The following NLGN1 variants were observed in gnomAD, a reference collection of about 807,000 sequenced individuals.
NLGN1 encodes the protein neuroligin-1.
A neutral mutation model predicts 65.5 loss-of-function variants in NLGN1; 12 were observed. The observed-to-expected ratio is 0.18, with a 90% confidence interval of 0.12 to 0.30. NLGN1 has a LOEUF of 0.30. NLGN1 is among the 10% of genes least tolerant of loss of function. The pLI, the probability that NLGN1 is intolerant of heterozygous loss-of-function variation, is 1.00. For missense variants in NLGN1, 750 were observed against 1,007.1 expected (o/e 0.74, Z 3.46); for synonymous variants, 350 against 359.5 (o/e 0.97, Z 0.30).
chr3:173,600,389 A>G (rs1266391205), intron 2 of NLGN1, among the ~76,000 whole-genome samples: 4 of 152,026 alleles, frequency 2.6e-5, no homozygotes, highest in Admixed American at 6.6e-5. Context: ...ATGCTGTCCA[A>G]TCCAGACCAA....
At chr3:173,422,330 G>A (rs895709768) in intron 1 of NLGN1, among the ~76,000 whole-genome samples, 1 of 152,140 alleles carries the variant, frequency 6.6e-6, no homozygotes, top group African/African-American at 2.4e-5. Flanking sequence ...TTATCTCAAG[G>A]AGGTAGAGAG....
At chr3:173,468,978 G>A (rs1364465425) in intron 2 of NLGN1, among the ~76,000 whole-genome samples, 2 of 152,064 alleles carry the variant, frequency 1.3e-5, no homozygotes, top group Admixed American at 1.3e-4. Context: ...AGATTCCACT[G>A]CTACTGGATA....
chr3:173,842,376 G>A (rs1420270923), intron 4 of NLGN1, among the ~76,000 whole-genome samples: 1 of 151,974 alleles, frequency 6.6e-6, no homozygotes, highest in African/African-American at 2.4e-5. Context: ...CTTCCCAACA[G>A]TCCCCCAATG....
At chr3:173,494,166 G>GAGTGGT (rs1271202001) in intron 2 of NLGN1, among the ~76,000 whole-genome samples, 24 of 150,362 alleles carry the variant, frequency 1.6e-4, no homozygotes, top group Admixed American at 1.3e-3. Context: ...CATGTGCGGG[G>GAGTGGT]AGTGGTGGTG....
intron 4 of NLGN1, among the ~76,000 whole-genome samples, chr3:174,184,411 C>T (rs1052945928): frequency 6.6e-6 from 1 of 152,160 alleles, no homozygotes; most frequent in South Asian, 2.1e-4. Flanking sequence ...AGTATTACAT[C>T]AAATCATTCT....
At chr3:173,512,428 G>A (rs1209133063) in intron 2 of NLGN1, among the ~76,000 whole-genome samples, 1 of 152,100 alleles carries the variant, frequency 6.6e-6, no homozygotes, top group Non-Finnish European at 1.5e-5. Context: ...CTGAAGTCAA[G>A]CCACCTCTCT....
chr3:173,535,946 C>T (rs537069674), intron 2 of NLGN1, among the ~76,000 whole-genome samples: 16 of 152,310 alleles, frequency 1.1e-4, no homozygotes, highest in East Asian at 1.9e-4. Flanking sequence ...CATATTAACT[C>T]GTTTGCAGTC....
chr3:174,136,527 T>C (rs1721249144), intron 4 of NLGN1: 2 of 152,088 alleles, frequency 1.3e-5, no homozygotes, highest in Admixed American at 1.3e-4. Flanking sequence ...AAAGCATGCC[T>C]AGCACAGACC....
At chr3:173,460,117 T>C (rs1307567739) in intron 2 of NLGN1, among the ~76,000 whole-genome samples, 3 of 152,106 alleles carry the variant, frequency 2.0e-5, no homozygotes, top group Non-Finnish European at 4.4e-5. Flanking sequence ...GGTACTGTGT[T>C]AATAAGAGTT....
chr3:174,070,882 C>T (rs1419539367), intron 4 of NLGN1, among the ~76,000 whole-genome samples: 1 of 151,930 alleles, frequency 6.6e-6, no homozygotes, highest in South Asian at 2.1e-4. Flanking sequence ...TGATGAGACC[C>T]CCATCTCTAT....
In NLGN1 at chr3:174,005,911, A is replaced by G. The variant is rs1488606310; in HGVS notation, c.646+198079A>G. ...AGATTTGTAAAAATTAAATGATCAA[A>G]TAGTTAACAAAGTTATCTTTATTCT... On this transcript the variant is annotated intron_variant, in intron 4 of 6. Coordinates refer to ENST00000457714, the Ensembl canonical transcript of NLGN1. Among the ~76,000 whole-genome samples the G allele has an allele frequency of 2.0e-5, 3 of 152,268 alleles. No individual in the cohort carries two copies. In the East Asian group the frequency reaches 5.8e-4, roughly 29 times the overall value.
chr3:173,944,489 T>C (rs1466603258), intron 4 of NLGN1, among the ~76,000 whole-genome samples: 1 of 152,098 alleles, frequency 6.6e-6, no homozygotes, highest in Non-Finnish European at 1.5e-5. Flanking sequence ...AAAAGTTGAC[T>C]GGATGAAATG....
At chr3:174,292,551 G>A in the NLGN1 span, among the ~76,000 whole-genome samples, 3 of 151,150 alleles carry the variant, frequency 2.0e-5, no homozygotes, top group Non-Finnish European at 4.4e-5. Context: ...GCAGATAATT[G>A]GAATATAATT....
chr3:173,783,652 T>A (rs1235259124), intron 3 of NLGN1, among the ~76,000 whole-genome samples: 3 of 152,242 alleles, frequency 2.0e-5, no homozygotes, highest in Admixed American at 6.5e-5. Flanking sequence ...TCTTGCTCTG[T>A]CGCCTAGGCT....
At chr3:174,128,838 A>G (rs561905792) in intron 4 of NLGN1, among the ~76,000 whole-genome samples, 76 of 152,262 alleles carry the variant, frequency 5.0e-4, no homozygotes, top group African/African-American at 1.6e-3. Context: ...CTGATTATCA[A>G]TCACCCTCCT....
At chr3:173,732,566 T>C (rs912505936) in intron 3 of NLGN1, among the ~76,000 whole-genome samples, 2 of 152,280 alleles carry the variant, frequency 1.3e-5, no homozygotes, top group Admixed American at 1.3e-4. Flanking sequence ...GATAACCAGC[T>C]GTATATTTCA....
intron 4 of NLGN1, among the ~76,000 whole-genome samples, chr3:174,222,705 G>C (rs1193703567): frequency 1.3e-5 from 2 of 152,084 alleles, no homozygotes; most frequent in African/African-American, 2.4e-5. Context: ...TTTTCTCTGA[G>C]TTTGCAGTTC....
intron 4 of NLGN1, among the ~76,000 whole-genome samples, chr3:174,234,673 G>A (rs1321117808): frequency 3.3e-5 from 5 of 152,116 alleles, no homozygotes; most frequent in Admixed American, 6.6e-5. Context: ...TGTAACAACT[G>A]CCTATCACCT....
intron 2 of NLGN1, among the ~76,000 whole-genome samples, chr3:173,445,285 A>AC (rs1720036349): frequency 6.8e-6 from 1 of 147,426 alleles, no homozygotes; most frequent in African/African-American, 2.5e-5. Flanking sequence ...AAAAAAAAAA[A>AC]AAAAAAAAAA....
Sources: allele counts gnomAD v4.1 joint callset (sites outside exome capture counted in the v4.1 genomes callset), GRCh38; gene constraint gnomAD v4.1.1; transcripts MANE v1.5; gene names NCBI Gene and HGNC (gene_info 2026-07-23, HGNC 2026-07-21).